Variants in WWOX observed in about 807,000 individuals in gnomAD.
The protein encoded by WWOX is WW domain containing oxidoreductase.
Under a neutral mutation model 46.2 loss-of-function variants are expected in WWOX, and 69 were observed. That is an observed-to-expected ratio of 1.49 (90% confidence interval 1.23 to 1.82). The LOEUF (loss-of-function observed/expected upper bound fraction) is 1.82. Among genes scored for constraint, WWOX ranks in the 40% most tolerant of loss-of-function variants. The probability of loss-of-function intolerance (pLI) is 0.00; values close to 1 mark genes in which losing one functional copy is unlikely to be tolerated. For missense variants in WWOX, 919 were observed against 542.6 expected, an observed-to-expected ratio of 1.69 and a Z score of -6.89; for synonymous variants, 359 against 202.6, an observed-to-expected ratio of 1.77 and a Z score of -6.56.
chr16:78,967,100 TCTGTCC>T (rs1360253643), intron 8 of WWOX, among the ~76,000 whole-genome samples: 4 of 152,132 alleles, frequency 2.6e-5, no homozygotes, highest in Non-Finnish European at 4.4e-5. Context: ...TAGTCATGCA[TCTGTCC>T]CTGGGTTATC....
In WWOX at chr16:78,755,214, AG is replaced by A. The variant is rs1457969831; in HGVS notation, c.1056+322464del. On this transcript the variant is annotated intron_variant, in intron 8 of 8. Coordinates refer to ENST00000566780, the MANE Select transcript of WWOX (RefSeq NM_016373.4). The stretch of plus-strand genomic sequence containing the variant: ...CATGTATCCCAGAACTTAAAGTGAA[AG>A]GAAAAAAAAAAGTTTCATCAAAAAA... 1.1e-3 allele frequency among the ~76,000 whole-genome samples: 162 copies of A among 145,188 alleles called. 2 individuals carry two copies. Among genetic ancestry groups the A allele is most frequent in the African/African-American group, 3.9e-3 (155 of 39,704 alleles).
At chr16:78,579,328 A>C (rs1159483029) in intron 8 of WWOX, among the ~76,000 whole-genome samples, 1 of 152,184 alleles carries the variant, frequency 6.6e-6, no homozygotes, top group Admixed American at 6.6e-5. Flanking sequence ...ATATGGAATA[A>C]GAGTGAGACA....
chr16:78,653,259 C>G (rs1216004001), intron 8 of WWOX, among the ~76,000 whole-genome samples: 4 of 151,962 alleles, frequency 2.6e-5, no homozygotes, highest in Admixed American at 2.0e-4. Context: ...TTTTATGTAA[C>G]CATTCCCTAG....
At chr16:78,112,538 C>T (rs562245765) in intron 3 of WWOX, among the ~76,000 whole-genome samples, 3 of 152,202 alleles carry the variant, frequency 2.0e-5, no homozygotes, top group African/African-American at 2.4e-5. Context: ...CCCAGGAAGA[C>T]GGGGCTGTCT....
intron 8 of WWOX, among the ~76,000 whole-genome samples, chr16:78,849,285 G>T (rs898151201): frequency 4.6e-5 from 7 of 152,042 alleles, no homozygotes; most frequent in African/African-American, 1.7e-4. Flanking sequence ...AAAACACAAC[G>T]ACAGGCCGGG....
At chr16:78,327,553 C>T (rs1405905590) in intron 5 of WWOX, among the ~76,000 whole-genome samples, 1 of 152,128 alleles carries the variant, frequency 6.6e-6, no homozygotes, top group Non-Finnish European at 1.5e-5. Context: ...CCCATCTCCT[C>T]CAATCATTTG....
At chr16:78,131,557 A>T (rs1051311953) in intron 4 of WWOX, among the ~76,000 whole-genome samples, 1 of 151,816 alleles carries the variant, frequency 6.6e-6, no homozygotes, top group African/African-American at 2.4e-5. Context: ...TTCTATTTGT[A>T]TTTAAAAGTA....
At chr16:78,801,456 C>G (rs1402197493) in intron 8 of WWOX, among the ~76,000 whole-genome samples, 1 of 152,150 alleles carries the variant, frequency 6.6e-6, no homozygotes, top group Non-Finnish European at 1.5e-5. Flanking sequence ...TTGCAGTAAG[C>G]TGATATCATG....
intron 8 of WWOX, among the ~76,000 whole-genome samples, chr16:78,704,793 C>T (rs930189428): frequency 6.6e-6 from 1 of 152,152 alleles, no homozygotes; most frequent in East Asian, 1.9e-4. Context: ...AGACAGCCAG[C>T]ATGTTGACTT....
chr16:78,289,988 A>G (rs918453750), intron 5 of WWOX, among the ~76,000 whole-genome samples: 1 of 152,210 alleles, frequency 6.6e-6, no homozygotes, highest in Non-Finnish European at 1.5e-5. Context: ...CAGCCCGTGA[A>G]TTTAGTTAAA....
intron 8 of WWOX, among the ~76,000 whole-genome samples, chr16:78,932,738 G>T (rs1040808078): frequency 2.0e-5 from 3 of 152,188 alleles, no homozygotes; most frequent in Admixed American, 6.5e-5. Context: ...ATTGCTCAGG[G>T]CCTGGGAAGT....
intron 8 of WWOX, among the ~76,000 whole-genome samples, chr16:78,856,890 A>G (rs1397170899): frequency 1.3e-5 from 2 of 152,322 alleles, no homozygotes; most frequent in Admixed American, 1.3e-4. Context: ...TACCTATACA[A>G]TCCTAGATGG....
At chr16:78,831,993 T>C (rs6564605) in intron 8 of WWOX, among the ~76,000 whole-genome samples, 119,484 of 152,096 alleles carry the variant, frequency 0.79, 47,138 homozygotes, top group African/African-American at 0.8. Flanking sequence ...ACTAACTCAC[T>C]ACCTAGGTAT....
At chr16:78,499,501 C>A (rs2738734) in intron 8 of WWOX, among the ~76,000 whole-genome samples, 134,331 of 151,968 alleles carry the variant, frequency 0.88, 60,174 homozygotes, top group Non-Finnish European at 0.96. Context: ...CGTTCTTTGG[C>A]AACTAGCAGC....
intron 8 of WWOX, among the ~76,000 whole-genome samples, chr16:78,802,775 G>T (rs1325635327): frequency 6.6e-6 from 1 of 151,566 alleles, no homozygotes; most frequent in South Asian, 2.1e-4. Context: ...AGTTAGCCAG[G>T]TGTGGTGGTG....
intron 5 of WWOX, among the ~76,000 whole-genome samples, chr16:78,171,207 C>G (rs1414774195): frequency 6.6e-6 from 1 of 152,078 alleles, no homozygotes; most frequent in African/African-American, 2.4e-5. Context: ...TTTTCCCTGC[C>G]GGGAAACTGC....
chr16:78,224,877 G>A (rs1446464360), intron 5 of WWOX, among the ~76,000 whole-genome samples: 1 of 152,078 alleles, frequency 6.6e-6, no homozygotes, highest in Non-Finnish European at 1.5e-5. Flanking sequence ...TTTTATTGAT[G>A]TGTTAACAAT....
chr16:78,561,959 A>C lies in WWOX; in HGVS notation c.1056+129207A>C, dbSNP rs532405456. Among the ~76,000 whole-genome samples, 85 of 132,424 alleles carry C rather than the reference A, an allele frequency of 6.4e-4. 1 individual carries two copies. Among genetic ancestry groups the C allele is most frequent in the African/African-American group, 2.8e-3 (82 of 29,816 alleles). 86.9% of individuals were successfully genotyped at this position (132,424 alleles called of 152,430 possible). On this transcript the variant is annotated intron_variant, in intron 8 of 8. Transcript: ENST00000566780. ...CATTAAAAGTAACAGGAAAAAGCGC[A>C]ATGACTTTTGCACCAACCTAACAAT...
At chr16:78,910,085 A>G (rs1436535949) in intron 8 of WWOX, among the ~76,000 whole-genome samples, 4 of 152,158 alleles carry the variant, frequency 2.6e-5, no homozygotes, top group Non-Finnish European at 5.9e-5. Flanking sequence ...ATCATTTTTC[A>G]TGTGTAGATG....
Sources: gnomAD v4.1 joint callset for allele counts (sites outside exome capture counted in the v4.1 genomes callset) on GRCh38, gnomAD v4.1.1 for gene constraint, MANE v1.5 for transcripts, NCBI Gene and HGNC (gene_info 2026-07-23, HGNC 2026-07-21) for gene names.